Variants in RMND1 observed in about 807,000 individuals in gnomAD.
The protein encoded by RMND1 is required for meiotic nuclear division 1 homolog, also known as required for meiotic nuclear division protein 1 homolog.
A neutral mutation model predicts 54.0 loss-of-function variants in RMND1; 41 were observed. The observed-to-expected ratio is 0.76, with a 90% CI of 0.59 to 0.98. The LOEUF (loss-of-function observed/expected upper bound fraction) is 0.98. Ranked by LOEUF, RMND1 falls within the 50% of genes least tolerant of loss-of-function variation. The pLI, the probability that RMND1 is intolerant of heterozygous loss-of-function variation, is 0.00. For synonymous variants in RMND1, 183 were observed against 181.7 expected (o/e 1.01, Z -0.06); for missense variants, 457 against 532.0 (o/e 0.86, Z 1.39).
At chr6:151,421,135 T>C (rs1054823996) in intron 9 of RMND1, 110 bp downstream of exon 9, 2 of 766,758 alleles carry the variant, frequency 2.6e-6, no homozygotes, top group South Asian at 1.8e-5. Context: ...TGAAAACAGC[T>C]ACAGTTCCCA....
At chr6:151,424,457 T>C (rs1195275818) in intron 6 of RMND1, among the ~76,000 whole-genome samples, 2 of 143,596 alleles carry the variant, frequency 1.4e-5, no homozygotes, top group African/African-American at 5.2e-5. Context: ...AGCAAGACTC[T>C]GTCTCCAAAA....
chr6:151,405,646 C>T, intron 11 of RMND1, 74 bp downstream of exon 11: 1 of 743,264 alleles, frequency 1.3e-6, no homozygotes, highest in Non-Finnish European at 2.3e-6. Flanking sequence ...CTATCTCAAA[C>T]TATCTTATTA....
intron 4 of RMND1, among the ~76,000 whole-genome samples, chr6:151,430,830 A>T (rs1182181235): frequency 2.0e-5 from 3 of 152,128 alleles, no homozygotes; most frequent in Non-Finnish European, 4.4e-5. Flanking sequence ...GCTATAGCTC[A>T]GGGTCAGTGC....
chr6:151,426,070 T>A (rs1780289049), intron 6 of RMND1, among the ~76,000 whole-genome samples: 1 of 151,410 alleles, frequency 6.6e-6, no homozygotes, highest in African/African-American at 2.4e-5. Flanking sequence ...CGCCTCCGCC[T>A]CCCAAGTAGC....
Position 151,427,615 on chromosome 6 carries a change from A to G in RMND1, c.730-33T>C, listed in dbSNP as rs765776715. The G allele has an allele frequency of 6.0e-6, 8 of 1,336,224 alleles. No individual in the cohort carries two copies. The African/African-American group carries it at 1.0e-4, about 17-fold the overall frequency. The allele number at this position is 1,336,224 out of a possible 1,614,324, so 82.8% of individuals were successfully genotyped here. ...AAAAGGAAGATTAATCTGAAATCAT[A>G]ACTGACTCCCTCAGTTCAAGTATGT... On this transcript the variant is annotated intron_variant, in intron 5 of 11. Transcript: ENST00000444024.
intron 2 of RMND1, among the ~76,000 whole-genome samples, chr6:151,440,107 C>A (rs1308445380): frequency 6.6e-6 from 1 of 152,262 alleles, no homozygotes; most frequent in East Asian, 1.9e-4. Context: ...CAGGCATGCA[C>A]CACCACACCT....
At chr6:151,410,616 T>G (rs1779800851) in intron 10 of RMND1, among the ~76,000 whole-genome samples, 1 of 152,144 alleles carries the variant, frequency 6.6e-6, no homozygotes, top group Admixed American at 6.5e-5. Flanking sequence ...CCAAAAAAGA[T>G]GTCCCACAGT....
intron 2 of RMND1, among the ~76,000 whole-genome samples, chr6:151,437,366 G>A (rs1021019130): frequency 4.6e-5 from 7 of 152,108 alleles, no homozygotes; most frequent in South Asian, 2.1e-4. Flanking sequence ...ACTCTAGGTC[G>A]CTATGTATGT....
At chr6:151,406,390 T>C (rs2114909494) in intron 10 of RMND1, among the ~76,000 whole-genome samples, 1 of 151,910 alleles carries the variant, frequency 6.6e-6, no homozygotes, top group African/African-American at 2.4e-5. Context: ...TGGGATGGAG[T>C]CTCCCTCTGT....
intron 1 of RMND1, among the ~76,000 whole-genome samples, chr6:151,449,060 CAAAAAA>C (rs71014585): frequency 5.4e-4 from 10 of 18,662 alleles, no homozygotes; most frequent in African/African-American, 2.2e-3. Flanking sequence ...GACTCTGTCT[CAAAAAA>C]AAAAAAAAAA....
chr6:151,444,546 G>C (rs1780894691), intron 2 of RMND1: 1 of 152,166 alleles, frequency 6.6e-6, no homozygotes, highest in African/African-American at 2.4e-5. Context: ...TCAGAATCAA[G>C]ACTTGAAGAC....
At chr6:151,451,113 C>T (rs1781173540) in intron 1 of RMND1, among the ~76,000 whole-genome samples, 2 of 150,626 alleles carry the variant, frequency 1.3e-5, no homozygotes, top group South Asian at 4.2e-4. Context: ...CCTTTGTGCA[C>T]TTGTTTATCT....
chr6:151,449,911 G>A (rs1295217737), intron 1 of RMND1, among the ~76,000 whole-genome samples: 1 of 152,226 alleles, frequency 6.6e-6, no homozygotes. Context: ...TCGGCCTCCC[G>A]AGGTGCCGGG....
intron 6 of RMND1, among the ~76,000 whole-genome samples, chr6:151,426,104 A>G (rs9479039): frequency 8.8e-4 from 133 of 151,318 alleles, no homozygotes; most frequent in African/African-American, 3.0e-3. Flanking sequence ...ACTCGCCACT[A>G]TGCCCGGGTA....
At chr6:151,408,361 A>G (rs1444796758) in intron 10 of RMND1, among the ~76,000 whole-genome samples, 3 of 151,974 alleles carry the variant, frequency 2.0e-5, no homozygotes, top group Admixed American at 6.6e-5. Context: ...GTGTGGTGGC[A>G]GGCACCTGTA....
At chr6:151,438,934 T>C (rs1355150708) in intron 2 of RMND1, among the ~76,000 whole-genome samples, 1 of 151,934 alleles carries the variant, frequency 6.6e-6, no homozygotes, top group African/African-American at 2.4e-5. Flanking sequence ...GTCAACGTGG[T>C]GAAACCCTGG....
At chr6:151,427,657 A>T (rs1348344485) in intron 5 of RMND1, 75 bp from the exon 6 acceptor site, 3 of 925,780 alleles carry the variant, frequency 3.2e-6, no homozygotes, top group Non-Finnish European at 5.1e-6. Context: ...TTTAATGCTT[A>T]TAACAGTCTT....
intron 10 of RMND1, among the ~76,000 whole-genome samples, chr6:151,415,989 T>C (rs1156554028): frequency 8.7e-6 from 1 of 114,532 alleles, no homozygotes; most frequent in African/African-American, 3.7e-5. Context: ...TTTTGTTTTG[T>C]TTTTTTTGAG....
chr6:151,451,739 T>C (rs1384391282), intron 1 of RMND1, among the ~76,000 whole-genome samples: 4 of 152,224 alleles, frequency 2.6e-5, no homozygotes, highest in East Asian at 1.9e-4. Context: ...GAGAGCTAAG[T>C]GGCGCTCATC....
Sources: gnomAD v4.1 joint callset for allele counts (sites outside exome capture counted in the v4.1 genomes callset) on GRCh38, gnomAD v4.1.1 for gene constraint, MANE v1.5 for transcripts, NCBI Gene and HGNC (gene_info 2026-07-23, HGNC 2026-07-21) for gene names.